TSPAN32: variants seen among roughly 807,000 people sequenced by gnomAD.
TSPAN32 encodes tetraspanin 32.
In TSPAN32, 47 loss-of-function variants were observed where a neutral mutation model predicts 42.7. The observed-to-expected ratio is 1.10, with a 90% CI of 0.87 to 1.40. The LOEUF (loss-of-function observed/expected upper bound fraction) is 1.40. Ranked by LOEUF, TSPAN32 falls within the 40% of genes most tolerant of loss-of-function variation. The pLI is 0.00. For missense variants in TSPAN32, 469 were observed against 424.1 expected (o/e 1.11, Z -0.93); for synonymous variants, 175 against 175.9 (o/e 0.99, Z 0.04).
intron 6 of TSPAN32, chr11:2,315,193 C>T (rs1273615166): frequency 2.7e-6 from 3 of 1,116,236 alleles, no homozygotes; most frequent in Non-Finnish European, 3.3e-6. Context: ...CCCTGCTCCC[C>T]TCCCCGCTCC....
chr11:2,308,689 C>A lies in TSPAN32; in HGVS notation c.280-47C>A, dbSNP rs754751862. 6 of 1,010,982 alleles carry A rather than the reference C, an allele frequency of 5.9e-6. No homozygotes were observed. The South Asian group carries it at 7.0e-5, about 12-fold the overall frequency. 62.6% of individuals were successfully genotyped at this position (1,010,982 alleles called of 1,614,324 possible). ...GCCCCCCCCAGCAGCGACCAGCCCC[C>A]CGCAGTGACCAGCCCTCAACAGTGA... On this transcript the variant is annotated intron_variant, in intron 3 of 9. Transcript: ENST00000182290.
chr11:2,315,186 TGCTCCCCTCCCC>T (rs1197470897), intron 6 of TSPAN32: 14 of 383,462 alleles, frequency 3.7e-5, no homozygotes, highest in Non-Finnish European at 4.8e-5. Context: ...GCCCCCTCCC[TGCTCCCCTCCCC>T]GCTCCCCTCC....
chr11:2,318,137 T>C lies in TSPAN32; in HGVS notation c.*213T>C. On this transcript the variant is annotated 3_prime_UTR_variant, in exon 10 of 10. Coordinates refer to ENST00000182290, the MANE Select transcript of TSPAN32 (RefSeq NM_139022.3). The surrounding 1 kb of genome is among the most constrained non-coding windows in gnomAD (Gnocchi z 4.2). Reference sequence around the variant, plus strand: ...AATATACATCACATCAAATTTACCATCTTAACCATTGTTAAGTGTATGGTT... The same window carrying C: ...AATATACATCACATCAAATTTACCACCTTAACCATTGTTAAGTGTATGGTT... 1.8e-6 allele frequency: 1 copy of C among 549,236 alleles called. No homozygotes were observed. The highest frequency in any genetic ancestry group is 3.2e-6 in the Non-Finnish European group (1 of 313,926). The allele number at this position is 549,236 out of a possible 1,614,324, so 34.0% of individuals were successfully genotyped here. A position where few individuals can be genotyped will look rare whatever the true frequency, so the allele number is the denominator to read the frequency against.
rs1848837733 is a variant in TSPAN32 at position 2,317,009 on chromosome 11, CAGGG to C, written c.720-330_720-327del. 6.6e-6 allele frequency among the ~76,000 whole-genome samples: 1 copy of C among 152,028 alleles called. No individual in the cohort carries two copies. Among genetic ancestry groups the C allele is most frequent in the South Asian group, 2.1e-4 (1 of 4,818 alleles). On this transcript the variant is annotated intron_variant, in intron 8 of 9. Coordinates refer to ENST00000182290, the MANE Select transcript of TSPAN32 (RefSeq NM_139022.3). The surrounding 1 kb of genome is among the most constrained non-coding windows in gnomAD (Gnocchi z 6.2). ...CCCAGAGCTCCTCATGCTTAGGGGG[CAGGG>C]AGGGTCCAACCCACAGCCAGGCAGC...
intron 1 of TSPAN32, 128 bp downstream of exon 1, chr11:2,302,343 C>A: frequency 9.3e-7 from 1 of 1,079,626 alleles, no homozygotes; most frequent in Non-Finnish European, 1.2e-6. Flanking sequence ...CTGTCCTGCC[C>A]TTGCAGACAT....
At chr11:2,307,551 A>G (rs1848189972) in intron 3 of TSPAN32, among the ~76,000 whole-genome samples, 1 of 152,160 alleles carries the variant, frequency 6.6e-6, no homozygotes, top group Admixed American at 6.5e-5. Context: ...CCTGAGTGGG[A>G]GGACATCCCC....
chr11:2,302,644 G>T (rs909393323), intron 1 of TSPAN32, 200 bp from the exon 2 acceptor site: 2 of 594,518 alleles, frequency 3.4e-6, no homozygotes, highest in South Asian at 2.0e-5. Context: ...ACCATGTGGG[G>T]GTGCCTGTGA....
At chr11:2,305,999 T>C (rs531480390) in intron 3 of TSPAN32, among the ~76,000 whole-genome samples, 1 of 145,788 alleles carries the variant, frequency 6.9e-6, no homozygotes, top group Admixed American at 6.7e-5. Flanking sequence ...TGTGTGTGCA[T>C]GTGCATGAGT....
rs1848887284 is a variant in TSPAN32 at position 2,317,652 on chromosome 11, G to A, written c.901+127G>A. 3 of 1,479,362 alleles carry A rather than the reference G, an allele frequency of 2.0e-6. No individual in the cohort carries two copies. Among genetic ancestry groups the A allele is most frequent in the Non-Finnish European group, 2.7e-6 (3 of 1,122,026 alleles). The allele number at this position is 1,479,362 out of a possible 1,614,324, so 91.6% of individuals were successfully genotyped here. ...ATTGGGAACAGATGCAAGGGTAAGGGGTAGCTCACCAAATCCCTCCATGGG... is the reference window on the plus strand; with the variant it reads ...ATTGGGAACAGATGCAAGGGTAAGGAGTAGCTCACCAAATCCCTCCATGGG... On this transcript the variant is annotated intron_variant, in intron 9 of 9. Transcript: ENST00000182290. This position sits in a 1 kb window ranked among gnomAD's most constrained non-coding sequence, Gnocchi z 6.2.
Position 2,312,905 on chromosome 11 carries a change from C to T in TSPAN32, c.355-749C>T, listed in dbSNP as rs562938090. 1.4e-4 allele frequency among the ~76,000 whole-genome samples: 21 copies of T among 152,336 alleles called. No individual in the cohort carries two copies. The East Asian group carries it at 4.0e-3, about 29-fold the overall frequency. Reference sequence around the variant, plus strand: ...GCCCTGTGCCAGGAGACCAGCGACTCCTGGAGCAGTCACAGAAGCCTTCCT... The same window carrying T: ...GCCCTGTGCCAGGAGACCAGCGACTTCTGGAGCAGTCACAGAAGCCTTCCT... On this transcript the variant is annotated intron_variant, in intron 4 of 9. Transcript: ENST00000182290.
chr11:2,309,172 G>C, intron 4 of TSPAN32: 1 of 389,594 alleles, frequency 2.6e-6, no homozygotes, highest in Non-Finnish European at 5.2e-6. Context: ...TGGCCTTAGG[G>C]GTTGACTAGA....
Position 2,317,613 on chromosome 11 carries a change from G to T in TSPAN32, c.901+88G>T. 6.7e-7 allele frequency: 1 copy of T among 1,500,320 alleles called. No homozygotes were observed. The highest frequency in any genetic ancestry group is 1.3e-5 in the South Asian group (1 of 78,726). The allele number at this position is 1,500,320 out of a possible 1,614,324, so 92.9% of individuals were successfully genotyped here. A position where few individuals can be genotyped will look rare whatever the true frequency, so the allele number is the denominator to read the frequency against. On this transcript the variant is annotated intron_variant, in intron 9 of 9. Transcript: ENST00000182290. The surrounding 1 kb of genome is among the most constrained non-coding windows in gnomAD (Gnocchi z 6.2). ...AGGGAAGGGAGTGAAGGCCCAGCCAGAGAGCCAGGCTCCATTGGGAACAGA... is the reference window on the plus strand; with the variant it reads ...AGGGAAGGGAGTGAAGGCCCAGCCATAGAGCCAGGCTCCATTGGGAACAGA...
rs776203199 is a variant in TSPAN32, at chr11:2,318,185, T to C, written c.*261T>C. ...GTTTGTGGCATTAAATACATTCACA[T>C]TGTTGTGCAACCATCACCACCATCT... On this transcript the variant is annotated 3_prime_UTR_variant, in exon 10 of 10. Transcript: ENST00000182290. This position sits in a 1 kb window ranked among gnomAD's most constrained non-coding sequence, Gnocchi z 4.2. 71 of 468,952 alleles carry C rather than the reference T, an allele frequency of 1.5e-4. No homozygotes were observed. The highest frequency in any genetic ancestry group is 3.0e-4 in the Admixed American group (7 of 23,340). The allele number at this position is 468,952 out of a possible 1,614,324, so 29.0% of individuals were successfully genotyped here.
Position 2,313,681 on chromosome 11 carries a change from G to A in TSPAN32, c.382G>A (p.Asp128Asn), listed in dbSNP as rs1055595543. 20 of 1,608,548 alleles carry A rather than the reference G, an allele frequency of 1.2e-5. No homozygotes were observed. The African/African-American group carries it at 1.6e-4, about 13-fold the overall frequency. ...QVEDAMLDTY[D>N]LVYEQAMKGT... Reference sequence around the variant, plus strand: ...GGAGGACGCCATGCTGGACACCTACGACCTGGTATATGAGCAGGCGATGAA... The same window carrying A: ...GGAGGACGCCATGCTGGACACCTACAACCTGGTATATGAGCAGGCGATGAA... The change falls in exon 5 of 10, where the codon GAC (aspartate) becomes AAC (asparagine). Residue 128 changes from aspartate to asparagine, a missense_variant. By Grantham distance (23) the Asp-to-Asn change is conservative. Coordinates refer to ENST00000182290, the MANE Select transcript of TSPAN32 (RefSeq NM_139022.3). The surrounding 1 kb of genome is among the most constrained non-coding windows in gnomAD (Gnocchi z 9.1).
intron 6 of TSPAN32, chr11:2,315,285 G>A (rs1848718595): frequency 1.7e-6 from 2 of 1,185,096 alleles, no homozygotes; most frequent in South Asian, 1.6e-5. Flanking sequence ...CAGAGGGGAG[G>A]AGAGCAAATG....
chr11:2,307,043 G>GGAGGAGGAGAGAGAAGA (rs1848160216), intron 3 of TSPAN32: 1 of 154,236 alleles, frequency 6.5e-6, no homozygotes, highest in East Asian at 1.9e-4. Flanking sequence ...AGAGGAGGAA[G>GGAGGAGGAGAGAGAAGA]GAGGAGGAGA....
At chr11:2,307,563 G>C (rs1460435078) in intron 3 of TSPAN32, among the ~76,000 whole-genome samples, 5 of 152,186 alleles carry the variant, frequency 3.3e-5, no homozygotes, top group Non-Finnish European at 7.3e-5. Flanking sequence ...GACATCCCCA[G>C]GGTTCTTAGC....
At chr11:2,302,276 C>T (rs1283960572) in intron 1 of TSPAN32, 61 bp downstream of exon 1, 6 of 1,322,662 alleles carry the variant, frequency 4.5e-6, no homozygotes, top group Non-Finnish European at 5.9e-6. Flanking sequence ...TGAGGGGTGG[C>T]AGGGCCTCAG....
In TSPAN32 at chr11:2,302,922, C is replaced by G. The variant is rs762542013; in HGVS notation, c.145C>G (p.Leu49Val). 5.6e-5 allele frequency: 91 copies of G among 1,613,734 alleles called. No individual in the cohort carries two copies. In the East Asian group the frequency reaches 1.6e-3, roughly 29 times the overall value. ...AHFAVIRRAS[L>V]EKNPYQAVHQ... ...CTTTGCTGTCATCCGCCGAGCGTCC[C>G]TGGAGAAGAACCCGTACCAGGCTGT... The change falls in exon 2 of 10, where the codon CTG becomes GTG. Residue 49 changes from leucine to valine, a missense_variant. Physicochemically the swap from Leu to Val is conservative, Grantham distance 32. Coordinates refer to ENST00000182290, the MANE Select transcript of TSPAN32 (RefSeq NM_139022.3).
Sources: gnomAD v4.1 joint callset for allele counts (sites outside exome capture counted in the v4.1 genomes callset) on GRCh38, gnomAD v4.1.1 for gene constraint, Gnocchi (gnomAD v3.1) non-coding constraint, MANE v1.5 for transcripts, NCBI Gene and HGNC (gene_info 2026-07-23, HGNC 2026-07-21) for gene names.